Variants in NMBR observed in about 807,000 individuals in gnomAD.
The protein encoded by NMBR is neuromedin B receptor, also known as neuromedin-B receptor.
In NMBR, 16 loss-of-function variants were observed where a neutral mutation model predicts 20.5. The observed-to-expected ratio is 0.78, with a 90% CI of 0.53 to 1.19. The LOEUF is 1.19. Among genes scored for constraint, NMBR ranks in the 50% most tolerant of loss-of-function variants. NMBR has a pLI of 0.00. For missense variants in NMBR, 582 were observed against 499.1 expected, an observed-to-expected ratio of 1.17 and a Z score of -1.58; for synonymous variants, 212 against 196.6, an observed-to-expected ratio of 1.08 and a Z score of -0.65.
chr6:142,109,901 A>C (rs963468516), intron 1 of NMBR, among the ~76,000 whole-genome samples: 3 of 152,084 alleles, frequency 2.0e-5, no homozygotes, highest in African/African-American at 7.2e-5. Context: ...CCATATATAG[A>C]TATGAGCCTT....
chr6:142,136,508 C>A (rs1778259063), intron 1 of NMBR, among the ~76,000 whole-genome samples: 3 of 152,138 alleles, frequency 2.0e-5, no homozygotes, highest in Admixed American at 2.0e-4. Flanking sequence ...AATTAGATCC[C>A]ATTTGTCAAT....
chr6:142,110,198 A>G (rs1050460993), intron 1 of NMBR, among the ~76,000 whole-genome samples: 4 of 152,182 alleles, frequency 2.6e-5, no homozygotes, highest in Admixed American at 6.5e-5. Context: ...AAATTACTAC[A>G]TTATCCAGCA....
intron 1 of NMBR, among the ~76,000 whole-genome samples, chr6:142,096,139 T>G (rs1777447293): frequency 6.6e-6 from 1 of 152,198 alleles, no homozygotes; most frequent in Non-Finnish European, 1.5e-5. Context: ...GGGTTTTTTG[T>G]GTCTTTATTT....
In NMBR at chr6:142,074,655, C is replaced by T. The variant is rs1274100725; in HGVS notation, c.*993G>A. Reference sequence around the variant, plus strand: ...CCTAAGTGTGATCCCACATACTTGTCAGTTGGGTATTGCAAGAGAGGATGA... The same window carrying T: ...CCTAAGTGTGATCCCACATACTTGTTAGTTGGGTATTGCAAGAGAGGATGA... On this transcript the variant is annotated 3_prime_UTR_variant, in exon 4 of 4. Coordinates refer to ENST00000258042, the MANE Select transcript of NMBR (RefSeq NM_002511.4). Among the ~76,000 whole-genome samples, 2 of 151,908 alleles carry T rather than the reference C, an allele frequency of 1.3e-5. No individual in the cohort carries two copies. Among genetic ancestry groups the T allele is most frequent in the African/African-American group, 4.8e-5 (2 of 41,378 alleles).
chr6:142,119,539 T>A (rs1203364787), intron 1 of NMBR, among the ~76,000 whole-genome samples: 1 of 151,932 alleles, frequency 6.6e-6, no homozygotes, highest in African/African-American at 2.4e-5. Flanking sequence ...CATAACAAAT[T>A]ACCAACTTCT....
rs543357461 is a variant in NMBR at position 142,138,472 on chromosome 6, C to T, written c.-664+8572G>A. Among the ~76,000 whole-genome samples, 47 of 152,262 alleles carry T rather than the reference C, an allele frequency of 3.1e-4. 1 individual carries two copies. In the South Asian group the frequency reaches 8.3e-3, roughly 27 times the overall value. ...TTTAATACCTTTATAAAATCATACT[C>T]TAGCACGTGAGCTATAAAATCATAC... On this transcript the variant is annotated intron_variant, in intron 1 of 3. Transcript: ENST00000258042.
chr6:142,137,875 T>C (rs1272598999), intron 1 of NMBR, among the ~76,000 whole-genome samples: 1 of 152,174 alleles, frequency 6.6e-6, no homozygotes, highest in Non-Finnish European at 1.5e-5. Context: ...TTCAATCAGT[T>C]TTCTTGAAAG....
At chr6:142,146,753 T>A (rs1778445343) in intron 1 of NMBR, among the ~76,000 whole-genome samples, 1 of 152,232 alleles carries the variant, frequency 6.6e-6, no homozygotes, top group Admixed American at 6.5e-5. Context: ...TATGTCAACA[T>A]AGAAAAATTT....
At chr6:142,098,707 G>A (rs1777505569) in intron 1 of NMBR, among the ~76,000 whole-genome samples, 1 of 152,130 alleles carries the variant, frequency 6.6e-6, no homozygotes, top group Non-Finnish European at 1.5e-5. Flanking sequence ...TCATGGATTG[G>A]AAAACTCAAG....
chr6:142,093,093 T>C (rs1434719969), intron 1 of NMBR, among the ~76,000 whole-genome samples: 1 of 152,072 alleles, frequency 6.6e-6, no homozygotes, highest in Non-Finnish European at 1.5e-5. Context: ...AGGATTAAAA[T>C]GGTAAAACTA....
chr6:142,093,335 A>T (rs1194630615), intron 1 of NMBR, among the ~76,000 whole-genome samples: 4 of 114,618 alleles, frequency 3.5e-5, no homozygotes, highest in Middle Eastern at 6.4e-3. Context: ...CTGGTGTGTG[A>T]TGTTCCCCTT....
At chr6:142,131,698 C>T (rs1778145902) in intron 1 of NMBR, among the ~76,000 whole-genome samples, 2 of 152,184 alleles carry the variant, frequency 1.3e-5, no homozygotes, top group African/African-American at 4.8e-5. Context: ...TGGATCAGAA[C>T]ATGTAAGAGA....
chr6:142,106,699 A>G (rs1009586492), intron 1 of NMBR, among the ~76,000 whole-genome samples: 46 of 152,238 alleles, frequency 3.0e-4, no homozygotes, highest in Admixed American at 1.1e-3. Context: ...TTCTAAAAAG[A>G]CAACTCTTAG....
chr6:142,132,441 T>G (rs1164126848), intron 1 of NMBR, among the ~76,000 whole-genome samples: 1 of 152,188 alleles, frequency 6.6e-6, no homozygotes, highest in Non-Finnish European at 1.5e-5. Context: ...ATGTGCTAGC[T>G]CCTGGCCTTG....
At chr6:142,124,103 G>A (rs1777992486) in intron 1 of NMBR, among the ~76,000 whole-genome samples, 1 of 151,896 alleles carries the variant, frequency 6.6e-6, no homozygotes, top group African/African-American at 2.4e-5. Flanking sequence ...AAAGGGGACA[G>A]AAAAAATATT....
At chr6:142,119,499 G>C (rs564699151) in intron 1 of NMBR, among the ~76,000 whole-genome samples, 51 of 151,954 alleles carry the variant, frequency 3.4e-4, no homozygotes, top group African/African-American at 1.2e-3. Flanking sequence ...GGTGTGGCAG[G>C]GATGTAAAGG....
chr6:142,109,058 G>A (rs894525358), intron 1 of NMBR, among the ~76,000 whole-genome samples: 1 of 152,226 alleles, frequency 6.6e-6, no homozygotes, highest in African/African-American at 2.4e-5. Flanking sequence ...GATGCATGAG[G>A]TGGGCTTCCA....
At chr6:142,126,427 GAAGT>G (rs1337685320) in intron 1 of NMBR, among the ~76,000 whole-genome samples, 1 of 151,814 alleles carries the variant, frequency 6.6e-6, no homozygotes, top group East Asian at 1.9e-4. Context: ...TTTATACCTA[GAAGT>G]AAGATTGCTG....
intron 1 of NMBR, among the ~76,000 whole-genome samples, chr6:142,116,250 C>G (rs1325614169): frequency 6.6e-6 from 1 of 151,848 alleles, no homozygotes; most frequent in Admixed American, 6.6e-5. Context: ...CCCTTCTTCT[C>G]TTCACCCTCT....
Sources: allele counts gnomAD v4.1 joint callset (sites outside exome capture counted in the v4.1 genomes callset), GRCh38; gene constraint gnomAD v4.1.1; transcripts MANE v1.5; gene names NCBI Gene and HGNC (gene_info 2026-07-23, HGNC 2026-07-21).